PARVG: variants seen among roughly 807,000 people sequenced by gnomAD.
The protein encoded by PARVG is parvin gamma, also known as gamma-parvin.
Under a neutral mutation model 44.4 loss-of-function variants are expected in PARVG, and 36 were observed. The observed-to-expected ratio is 0.81, with a 90% CI of 0.62 to 1.07. The LOEUF (loss-of-function observed/expected upper bound fraction) is 1.07. Ranked by LOEUF, PARVG falls within the 50% of genes least tolerant of loss-of-function variation. PARVG has a pLI of 0.00. For missense variants in PARVG, 407 were observed against 407.4 expected (o/e 1.00, Z 0.01); for synonymous variants, 170 against 174.1 (o/e 0.98, Z 0.19).
Position 44,189,192 on chromosome 22 carries a change from T to A in PARVG, c.326T>A (p.Val109Glu). The change falls in exon 6 of 14, where the codon GTG becomes GAG. Residue 109 changes from valine (V) to glutamate (E), a missense_variant. Coordinates refer to ENST00000444313, the MANE Select transcript of PARVG (RefSeq NM_022141.7). Reference protein sequence around the residue: ...ATSQKHKLTVVLEAVNRSLQL... With the variant: ...ATSQKHKLTVELEAVNRSLQL... ...AGCCAGAAGCACAAGCTCACAGTGG[T>A]GCTGGAGGCCGTGAACCGGAGTCTG... 1.2e-6 allele frequency: 2 copies of A among 1,614,210 alleles called. No homozygotes were observed. The highest frequency in any genetic ancestry group is 1.7e-6 in the Non-Finnish European group (2 of 1,180,020).
At chr22:44,195,785 G>C (rs2054609591) in intron 9 of PARVG, among the ~76,000 whole-genome samples, 1 of 152,222 alleles carries the variant, frequency 6.6e-6, no homozygotes, top group African/African-American at 2.4e-5. Context: ...GTGCCAGCTG[G>C]CAGATAAAGG....
chr22:44,173,287 G>A, intron 1 of PARVG: 2 of 1,055,414 alleles, frequency 1.9e-6, no homozygotes, highest in South Asian at 1.6e-5. Context: ...ACACATGGAG[G>A]TGGTCTCCTT....
chr22:44,200,403 A>C (rs1447729874), intron 12 of PARVG, among the ~76,000 whole-genome samples: 5 of 152,176 alleles, frequency 3.3e-5, no homozygotes, highest in Non-Finnish European at 7.4e-5. Context: ...CCCCCTACTC[A>C]GGCCACACAG....
At chr22:44,191,663 T>C (rs1347438333) in intron 7 of PARVG, among the ~76,000 whole-genome samples, 1 of 152,154 alleles carries the variant, frequency 6.6e-6, no homozygotes. Context: ...TCTCCTAAAG[T>C]GCTGGGATTA....
intron 9 of PARVG, among the ~76,000 whole-genome samples, chr22:44,194,732 C>A (rs555394231): frequency 5.3e-4 from 62 of 116,380 alleles, no homozygotes; most frequent in African/African-American, 9.8e-4. Context: ...CCATCCATCC[C>A]TCCATCCATC....
rs771406036 is a variant in PARVG at position 44,192,135 on chromosome 22, G to A, written c.560+31G>A. On this transcript the variant is annotated intron_variant, in intron 8 of 13. Coordinates refer to ENST00000444313, the MANE Select transcript of PARVG (RefSeq NM_022141.7). ...GGAAGGATGAGGGCCCATGGGTGGGGCTGGGGCTCACAGCGGTGGATGGGG... is the reference window on the plus strand; with the variant it reads ...GGAAGGATGAGGGCCCATGGGTGGGACTGGGGCTCACAGCGGTGGATGGGG... 1.6e-5 allele frequency: 26 copies of A among 1,610,686 alleles called. No homozygotes were observed. In the African/African-American group the frequency reaches 3.1e-4, roughly 19 times the overall value.
intron 8 of PARVG, among the ~76,000 whole-genome samples, chr22:44,192,390 T>A (rs985510040): frequency 2.6e-5 from 4 of 152,186 alleles, no homozygotes; most frequent in African/African-American, 9.7e-5. Context: ...AGTGAATCTG[T>A]CTCTCTAGTG....
chr22:44,190,314 G>A (rs2054530558), intron 6 of PARVG, among the ~76,000 whole-genome samples: 1 of 152,214 alleles, frequency 6.6e-6, no homozygotes, highest in Non-Finnish European at 1.5e-5. Context: ...TTTGTGTCTA[G>A]AGCCCCTTCC....
chr22:44,198,918 C>A (rs911333430), intron 12 of PARVG, among the ~76,000 whole-genome samples, 196 bp downstream of exon 12: 1 of 108,764 alleles, frequency 9.2e-6, no homozygotes, highest in Non-Finnish European at 2.1e-5. Context: ...ACCCATCCAT[C>A]CATCTACCCA....
chr22:44,188,074 C>G, intron 5 of PARVG, 196 bp downstream of exon 5: 3 of 619,912 alleles, frequency 4.8e-6, no homozygotes, highest in Non-Finnish European at 8.5e-6. Flanking sequence ...GGGGGCCGAG[C>G]TGGGGCTCAG....
At chr22:44,175,796 A>G (rs966821791) in intron 1 of PARVG, among the ~76,000 whole-genome samples, 4 of 152,172 alleles carry the variant, frequency 2.6e-5, no homozygotes, top group Admixed American at 6.5e-5. Flanking sequence ...TGGGACGAAG[A>G]TGGAGCAGAG....
At chr22:44,203,820 G>A (rs767378533) in intron 12 of PARVG, among the ~76,000 whole-genome samples, 14 of 152,138 alleles carry the variant, frequency 9.2e-5, no homozygotes, top group South Asian at 2.1e-4. Context: ...GTTTCACCCC[G>A]CATTGGCCCC....
At chr22:44,205,627 C>A in intron 12 of PARVG, 130 bp from the exon 13 acceptor site, 1 of 1,059,898 alleles carries the variant, frequency 9.4e-7, no homozygotes, top group Non-Finnish European at 1.4e-6. Flanking sequence ...GTCAGGGATG[C>A]CCACCTTGGA....
At chr22:44,197,375 C>G (rs1314103441) in intron 11 of PARVG, among the ~76,000 whole-genome samples, 1 of 152,170 alleles carries the variant, frequency 6.6e-6, no homozygotes, top group Non-Finnish European at 1.5e-5. Context: ...CTGTACTACC[C>G]CACTTACAGA....
In PARVG at chr22:44,206,494, TC is replaced by T; in HGVS notation, c.*70del. Reference sequence around the variant, plus strand: ...CTGGAGGGCCCGAGGCTGCAGGGTGTCCTCCCACAGTCCCGCTGTTTCCTGT... The same window carrying T: ...CTGGAGGGCCCGAGGCTGCAGGGTGTCTCCCACAGTCCCGCTGTTTCCTGT... On this transcript the variant is annotated 3_prime_UTR_variant, in exon 14 of 14. Transcript: ENST00000444313. 1 of 1,388,716 alleles carries T rather than the reference TC, an allele frequency of 7.2e-7. No homozygotes were observed. Among genetic ancestry groups the T allele is most frequent in the Non-Finnish European group, 1.0e-6 (1 of 977,332 alleles). 86.0% of individuals were successfully genotyped at this position (1,388,716 alleles called of 1,614,324 possible). A position where few individuals can be genotyped will look rare whatever the true frequency, so the allele number is the denominator to read the frequency against.
At chr22:44,185,894 T>C in intron 4 of PARVG, 22 bp downstream of exon 4, 2 of 1,606,484 alleles carry the variant, frequency 1.2e-6, no homozygotes, top group African/African-American at 2.7e-5. Flanking sequence ...TCCACAGCCC[T>C]GACTTCCCTG....
At chr22:44,175,466 C>T (rs1456612697) in intron 1 of PARVG, among the ~76,000 whole-genome samples, 1 of 152,230 alleles carries the variant, frequency 6.6e-6, no homozygotes, top group Non-Finnish European at 1.5e-5. Flanking sequence ...AGGACAGTGC[C>T]CTGGGGTTGG....
rs373030677 is a variant in PARVG, at chr22:44,198,625, C to T, written c.716C>T (p.Ala239Val). ...CTCCAGTTCCTTCCTTTGTAGTTTGCAGATGGGGTCATCTTACTCTTGCTG... is the reference window on the plus strand; with the variant it reads ...CTCCAGTTCCTTCCTTTGTAGTTTGTAGATGGGGTCATCTTACTCTTGCTG... ...LSVQNLDTQFADGVILLLLIG... is the reference protein window; with the variant it reads ...LSVQNLDTQFVDGVILLLLIG... The change falls in exon 12 of 14, where the codon GCA (alanine) becomes GTA (valine). Residue 239 changes from alanine (A) to valine (V), a missense_variant. Ala to Val is a moderately conservative substitution (Grantham distance 64). Transcript: ENST00000444313. 2.2e-5 allele frequency: 35 copies of T among 1,611,688 alleles called. No homozygotes were observed. The highest frequency in any genetic ancestry group is 2.7e-5 in the Non-Finnish European group (32 of 1,177,964).
At chr22:44,206,181 C>A in intron 13 of PARVG, 136 bp from the exon 14 acceptor site, 1 of 685,540 alleles carries the variant, frequency 1.5e-6, no homozygotes, top group Non-Finnish European at 2.5e-6. Context: ...CTGGAGTGAC[C>A]AGCTGTCCTG....
Sources: gnomAD v4.1 joint callset for allele counts (sites outside exome capture counted in the v4.1 genomes callset) on GRCh38, gnomAD v4.1.1 for gene constraint, MANE v1.5 for transcripts, NCBI Gene and HGNC (gene_info 2026-07-23, HGNC 2026-07-21) for gene names.